The following NT5C2 variants were observed in gnomAD, a reference collection of about 807,000 sequenced individuals.
NT5C2 encodes the protein 5'-nucleotidase, cytosolic II.
Under a neutral mutation model 76.1 loss-of-function variants are expected in NT5C2, and 58 were observed. The observed-to-expected ratio is 0.76, with a 90% CI of 0.62 to 0.95. NT5C2 has a LOEUF of 0.95. Among genes scored for constraint, NT5C2 ranks in the 40% least tolerant of loss-of-function variants. The pLI, the probability that NT5C2 is intolerant of heterozygous loss-of-function variation, is 0.00. For synonymous variants in NT5C2, 229 were observed against 237.4 expected, an observed-to-expected ratio of 0.96 and a Z score of 0.32; for missense variants, 478 against 690.3, an observed-to-expected ratio of 0.69 and a Z score of 3.45.
chr10:103,177,557 T>C (rs904567611), intron 2 of NT5C2, among the ~76,000 whole-genome samples: 1 of 152,220 alleles, frequency 6.6e-6, no homozygotes, highest in African/African-American at 2.4e-5. Context: ...AGGGTCTCAC[T>C]GTTGCCCAGG....
chr10:103,129,474 TG>T (rs1339388320), intron 4 of NT5C2, among the ~76,000 whole-genome samples: 3 of 77,962 alleles, frequency 3.8e-5, no homozygotes, highest in African/African-American at 9.9e-5. Flanking sequence ...GGGAGGGAGA[TG>T]GGGGGGTCAG....
At chr10:103,167,961 A>G (rs958124722) in intron 3 of NT5C2, among the ~76,000 whole-genome samples, 13 of 152,168 alleles carry the variant, frequency 8.5e-5, no homozygotes, top group African/African-American at 2.4e-4. Context: ...GATCGAAGCC[A>G]TAAGTACTAG....
chr10:103,100,876 A>G (rs1249186078), intron 8 of NT5C2, 169 bp downstream of exon 8: 1 of 696,782 alleles, frequency 1.4e-6, no homozygotes. Flanking sequence ...GAGAGCCTGC[A>G]TGGAGCTGCT....
chr10:103,192,788 G>A (rs2092735356), intron 1 of NT5C2, among the ~76,000 whole-genome samples: 1 of 152,202 alleles, frequency 6.6e-6, no homozygotes, highest in African/African-American at 2.4e-5. Context: ...GACGGCCTCA[G>A]GGGTGGCCGG....
At chr10:103,183,276 T>TATA (rs1554841710) in intron 1 of NT5C2, among the ~76,000 whole-genome samples, 1 of 105,512 alleles carries the variant, frequency 9.5e-6, no homozygotes, top group Non-Finnish European at 2.0e-5. Flanking sequence ...TATATATATA[T>TATA]ATATATATAT....
chr10:103,114,178 G>T (rs563736942), intron 4 of NT5C2, among the ~76,000 whole-genome samples: 6 of 152,324 alleles, frequency 3.9e-5, no homozygotes, highest in African/African-American at 1.4e-4. Flanking sequence ...ACTTTGGGAG[G>T]CCAAGGTGGG....
At chr10:103,180,299 A>G (rs2090828120) in intron 2 of NT5C2, among the ~76,000 whole-genome samples, 1 of 152,244 alleles carries the variant, frequency 6.6e-6, no homozygotes, top group Non-Finnish European at 1.5e-5. Context: ...ACACTGCTGG[A>G]AAGAAAATAA....
chr10:103,091,558 A>AC lies in NT5C2; in HGVS notation c.1211+5dup. 6.2e-7 allele frequency: 1 copy of AC among 1,609,638 alleles called. No homozygotes were observed. Among genetic ancestry groups the AC allele is most frequent in the South Asian group, 1.1e-5 (1 of 90,718 alleles). On this transcript the variant is annotated splice_donor_region_variant and intron_variant, in intron 16 of 18. Coordinates refer to ENST00000404739, the MANE Select transcript of NT5C2 (RefSeq NM_001351169.2). The stretch of plus-strand genomic sequence containing the variant: ...TTTTTGGGAAAGAAATTTTTAGAAA[A>AC]CTTACTTGTAGAGTTCAGCCAAGAA...
At chr10:103,129,262 C>A in intron 4 of NT5C2, among the ~76,000 whole-genome samples, 1 of 115,804 alleles carries the variant, frequency 8.6e-6, no homozygotes, top group Non-Finnish European at 1.9e-5. Context: ...GGGGGTCAGC[C>A]CCCCACCCGG....
At chr10:103,176,254 G>A (rs552602130) in intron 2 of NT5C2, among the ~76,000 whole-genome samples, 48 of 152,250 alleles carry the variant, frequency 3.2e-4, no homozygotes, top group Admixed American at 1.7e-3. Flanking sequence ...TCCCATCAGC[G>A]ATCTGGTTTT....
intron 3 of NT5C2, chr10:103,153,312 G>A (rs1322546942): frequency 2.9e-5 from 37 of 1,281,234 alleles, no homozygotes; most frequent in Non-Finnish European, 3.8e-5. Context: ...CATTCTCAAA[G>A]ATCTACTTCC....
intron 3 of NT5C2, among the ~76,000 whole-genome samples, chr10:103,143,346 C>G (rs2080878913): frequency 6.6e-6 from 1 of 152,104 alleles, no homozygotes; most frequent in African/African-American, 2.4e-5. Context: ...CAAAAAGCCT[C>G]CACTGGGATA....
In NT5C2 at chr10:103,097,291, A is replaced by C. The variant is rs1270090631; in HGVS notation, c.771T>G (p.Asp257Glu). The C allele has an allele frequency of 6.2e-7, 1 of 1,607,504 alleles. No individual in the cohort carries two copies. Among genetic ancestry groups the C allele is most frequent in the East Asian group, 2.2e-5 (1 of 44,740 alleles). ...ATAAATATACACATGAAGCACTTAC[A>C]TCTGTATATTTATAGTCACTGTTGG... ...LATNSDYKYT[D>E]KIMTYLFDFP... The change falls in exon 11 of 19, where the codon GAT becomes GAG. Residue 257 changes from aspartate (D) to glutamate (E), a missense_variant and splice_region_variant. Physicochemically the swap from Asp to Glu is conservative, Grantham distance 45. Transcript: ENST00000404739.
At chr10:103,154,036 A>T (rs1464607591) in intron 3 of NT5C2, among the ~76,000 whole-genome samples, 1 of 152,188 alleles carries the variant, frequency 6.6e-6, no homozygotes, top group East Asian at 1.9e-4. Context: ...ATAAATCCAG[A>T]ACATTCTAAA....
At chr10:103,112,326 T>C (rs918826230) in intron 4 of NT5C2, among the ~76,000 whole-genome samples, 1 of 152,130 alleles carries the variant, frequency 6.6e-6, no homozygotes, top group Non-Finnish European at 1.5e-5. Flanking sequence ...ATTATCAAGA[T>C]TCTAGTCATC....
Position 103,088,119 on chromosome 10 carries a change from A to T in NT5C2, c.*1553T>A, listed in dbSNP as rs1366624663. 1 of 152,220 alleles carries T rather than the reference A, an allele frequency of 6.6e-6. No homozygotes were observed. The highest frequency in any genetic ancestry group is 1.5e-5 in the Non-Finnish European group (1 of 68,032). 9.4% of individuals were successfully genotyped at this position (152,220 alleles called of 1,614,324 possible). On this transcript the variant is annotated 3_prime_UTR_variant, in exon 19 of 19. Coordinates refer to ENST00000404739, the MANE Select transcript of NT5C2 (RefSeq NM_001351169.2). ...TAAACCCACTTGAAGACCAATAGCT[A>T]TTACAGTTGTACTACAGAATAGGTC...
intron 6 of NT5C2, 72 bp downstream of exon 6, chr10:103,105,634 T>G (rs1398952214): frequency 1.0e-6 from 1 of 975,462 alleles, no homozygotes; most frequent in Non-Finnish European, 1.6e-6. Context: ...ATATTACATC[T>G]GGGGAGATGA....
At chr10:103,161,595 A>G (rs563952459) in intron 3 of NT5C2, among the ~76,000 whole-genome samples, 1 of 152,318 alleles carries the variant, frequency 6.6e-6, no homozygotes, top group East Asian at 1.9e-4. Context: ...TTGTGCCTGT[A>G]GTGCTACAGT....
intron 1 of NT5C2, among the ~76,000 whole-genome samples, chr10:103,190,629 C>A (rs1221659843): frequency 6.6e-6 from 1 of 152,134 alleles, no homozygotes; most frequent in Non-Finnish European, 1.5e-5. Flanking sequence ...CTGAGTTCCC[C>A]GAGGTTGCAT....
Sources: gnomAD v4.1 joint callset for allele counts (sites outside exome capture counted in the v4.1 genomes callset) on GRCh38, gnomAD v4.1.1 for gene constraint, MANE v1.5 for transcripts, NCBI Gene and HGNC (gene_info 2026-07-23, HGNC 2026-07-21) for gene names.